FHIT: variants seen among roughly 807,000 people sequenced by gnomAD.
The protein encoded by FHIT is fragile histidine triad diadenosine triphosphatase, also known as bis(5'-adenosyl)-triphosphatase.
FHIT carries 19 observed loss-of-function variants against 17.9 expected under a neutral mutation model. That is an observed-to-expected ratio of 1.06 (90% confidence interval 0.74 to 1.56). FHIT has a LOEUF of 1.56. Ranked by LOEUF, FHIT falls within the 40% of genes most tolerant of loss-of-function variation. The probability of loss-of-function intolerance (pLI) is 0.00; values close to 1 mark genes in which losing one functional copy is unlikely to be tolerated. For missense variants in FHIT, 248 were observed against 189.2 expected (o/e 1.31, Z -1.82); for synonymous variants, 81 against 69.7 (o/e 1.16, Z -0.81).
chr3:61,025,175 A>C (rs2032667547), intron 3 of FHIT, among the ~76,000 whole-genome samples: 1 of 152,224 alleles, frequency 6.6e-6, no homozygotes, highest in Non-Finnish European at 1.5e-5. Flanking sequence ...CCGAAGATCA[A>C]GACAGGGATA....
intron 8 of FHIT, among the ~76,000 whole-genome samples, chr3:59,772,107 C>T (rs918722499): frequency 6.6e-6 from 1 of 152,178 alleles, no homozygotes; most frequent in Non-Finnish European, 1.5e-5. Flanking sequence ...TCCATGTTAG[C>T]ACACCCACCT....
intron 5 of FHIT, among the ~76,000 whole-genome samples, chr3:60,145,544 T>C (rs1216160611): frequency 6.6e-6 from 1 of 152,182 alleles, no homozygotes; most frequent in Non-Finnish European, 1.5e-5. Flanking sequence ...CTCCACAGAA[T>C]CATGCAGTGC....
chr3:60,342,120 G>A (rs1710548353), intron 5 of FHIT, among the ~76,000 whole-genome samples: 3 of 152,214 alleles, frequency 2.0e-5, no homozygotes, highest in African/African-American at 2.4e-5. Flanking sequence ...TGCACAGGAG[G>A]TGAACTTCCC....
chr3:60,582,625 TAA>T (rs34327357), intron 4 of FHIT, among the ~76,000 whole-genome samples: 1 of 151,024 alleles, frequency 6.6e-6, no homozygotes, highest in Non-Finnish European at 1.5e-5. Flanking sequence ...GTATTTGGGA[TAA>T]AAAAAAATGT....
At chr3:60,634,666 G>T (rs782293424) in intron 4 of FHIT, among the ~76,000 whole-genome samples, 9 of 152,116 alleles carry the variant, frequency 5.9e-5, no homozygotes, top group African/African-American at 2.2e-4. Flanking sequence ...TGCTGCAGAC[G>T]AGCACCAAGA....
chr3:60,451,042 T>A (rs562477448), intron 5 of FHIT, among the ~76,000 whole-genome samples: 13 of 152,178 alleles, frequency 8.5e-5, no homozygotes, highest in Admixed American at 5.2e-4. Flanking sequence ...TAGGAGTTCT[T>A]GGGCCAACGA....
chr3:60,894,896 C>T (rs1455437680), intron 3 of FHIT, among the ~76,000 whole-genome samples: 4 of 152,106 alleles, frequency 2.6e-5, no homozygotes, highest in African/African-American at 2.4e-5. Context: ...TAAACCATTT[C>T]GGTGTAGGTG....
At chr3:59,930,241 G>T (rs1367078146) in intron 7 of FHIT, among the ~76,000 whole-genome samples, 5 of 152,082 alleles carry the variant, frequency 3.3e-5, no homozygotes, top group Non-Finnish European at 5.9e-5. Flanking sequence ...GGTTTCCAGG[G>T]CCAGTCAGAT....
At chr3:59,809,670 G>C (rs1407080208) in intron 8 of FHIT, among the ~76,000 whole-genome samples, 2 of 152,186 alleles carry the variant, frequency 1.3e-5, no homozygotes, top group African/African-American at 4.8e-5. Context: ...TGATTTCACT[G>C]ATTTTCAAAG....
chr3:61,101,574 T>C (rs1211297198), intron 2 of FHIT, among the ~76,000 whole-genome samples: 1 of 151,816 alleles, frequency 6.6e-6, no homozygotes, highest in Non-Finnish European at 1.5e-5. Context: ...ACTTTAGTTT[T>C]TTCCAATTCT....
intron 7 of FHIT, among the ~76,000 whole-genome samples, chr3:59,995,294 C>T (rs904576084): frequency 6.6e-6 from 1 of 152,090 alleles, no homozygotes; most frequent in Non-Finnish European, 1.5e-5. Flanking sequence ...TCTCTTGAAT[C>T]TAACTGAAGA....
intron 3 of FHIT, among the ~76,000 whole-genome samples, chr3:60,998,156 AGACACTATTAACAACT>A: frequency 6.6e-6 from 1 of 152,344 alleles, no homozygotes; most frequent in African/African-American, 2.4e-5. Flanking sequence ...ACACCTATGA[AGACACTATTAACAACT>A]GACATCACAT....
intron 5 of FHIT, among the ~76,000 whole-genome samples, chr3:60,472,260 G>A (rs561380064): frequency 6.6e-6 from 1 of 151,692 alleles, no homozygotes; most frequent in East Asian, 1.9e-4. Flanking sequence ...TAGGTCCTTA[G>A]GCCCATTTAT....
chr3:60,411,372 T>A (rs1330048066), intron 5 of FHIT, among the ~76,000 whole-genome samples: 1 of 152,130 alleles, frequency 6.6e-6, no homozygotes, highest in Non-Finnish European at 1.5e-5. Context: ...AACCTCCTCT[T>A]ACTTGAGTAG....
At chr3:60,668,178 T>TA (rs2040424193) in intron 4 of FHIT, among the ~76,000 whole-genome samples, 1 of 151,706 alleles carries the variant, frequency 6.6e-6, no homozygotes, top group South Asian at 2.1e-4. Context: ...TATTATTTGC[T>TA]ATAGTTCATT....
At chr3:60,238,643 G>A (rs1308422267) in intron 5 of FHIT, among the ~76,000 whole-genome samples, 1 of 152,014 alleles carries the variant, frequency 6.6e-6, no homozygotes, top group Non-Finnish European at 1.5e-5. Context: ...TAGAATGATC[G>A]ATTCATTTTT....
At chr3:61,189,188 C>T (rs1016743271) in intron 2 of FHIT, among the ~76,000 whole-genome samples, 3 of 152,160 alleles carry the variant, frequency 2.0e-5, no homozygotes, top group South Asian at 2.1e-4. Flanking sequence ...AAAATCCCAA[C>T]GTCTCAGCCC....
chr3:61,013,973 A>C (rs2031936124), intron 3 of FHIT, among the ~76,000 whole-genome samples: 1 of 152,174 alleles, frequency 6.6e-6, no homozygotes, highest in Non-Finnish European at 1.5e-5. Context: ...CTGTAAAATA[A>C]GAAAGTTGAT....
chr3:59,877,979 A>C (rs1199217119), intron 8 of FHIT, among the ~76,000 whole-genome samples: 3 of 152,218 alleles, frequency 2.0e-5, no homozygotes, highest in Non-Finnish European at 4.4e-5. Context: ...TTTTCACCTT[A>C]ACTGCTTACT....
Sources: gnomAD v4.1 joint callset for allele counts (sites outside exome capture counted in the v4.1 genomes callset) on GRCh38, gnomAD v4.1.1 for gene constraint, MANE v1.5 for transcripts, NCBI Gene and HGNC (gene_info 2026-07-23, HGNC 2026-07-21) for gene names.